The following ABR variants were observed in gnomAD, a reference collection of about 807,000 sequenced individuals.
ABR encodes ABR activator of RhoGEF and GTPase.
ABR carries 35 observed loss-of-function variants against 107.2 expected under a neutral mutation model. The ratio of observed to expected loss-of-function variants is 0.33; its 90% CI spans 0.25 to 0.43. ABR has a LOEUF of 0.43. ABR is among the 20% of genes least tolerant of loss of function. The pLI, the probability that ABR is intolerant of heterozygous loss-of-function variation, is 1.00. For synonymous variants in ABR, 498 were observed against 462.0 expected, an observed-to-expected ratio of 1.08 and a Z score of -1.00; for missense variants, 815 against 1,115.2, an observed-to-expected ratio of 0.73 and a Z score of 3.83.
At chr17:1,219,933 C>G (rs72816230) in intron 1 of ABR, among the ~76,000 whole-genome samples, 24,337 of 151,534 alleles carry the variant, frequency 0.16, 2,500 homozygotes, top group Non-Finnish European at 0.22. Flanking sequence ...TGACCTAGTG[C>G]TTTGCAGAGA....
chr17:1,155,016 G>A (rs1303437644), intron 1 of ABR: 1 of 152,022 alleles, frequency 6.6e-6, no homozygotes, highest in African/African-American at 2.4e-5. Flanking sequence ...GGGCGCCCTG[G>A]GGGCCAGCCA....
chr17:1,056,269 G>C (rs1482713428), intron 13 of ABR, among the ~76,000 whole-genome samples, 160 bp from the exon 14 acceptor site: 1 of 151,994 alleles, frequency 6.6e-6, no homozygotes, highest in Non-Finnish European at 1.5e-5. Context: ...AGGCCACGGC[G>C]GCCTTATATG....
At position 1,215,273 on chromosome 17, in the gene ABR, C is replaced by T. The variant is rs565579369; in HGVS notation, c.838+13520G>A. Among the ~76,000 whole-genome samples the T allele has an allele frequency of 4.6e-5, 7 of 151,992 alleles. No homozygotes were observed. In the South Asian group the frequency reaches 1.5e-3, roughly 32 times the overall value. ...CTCCCTCTCCCTCTCTCTCCACGGTCTCCCTCTGATGCCGAGCCGAAGCTG... is the reference window on the plus strand; with the variant it reads ...CTCCCTCTCCCTCTCTCTCCACGGTTTCCCTCTGATGCCGAGCCGAAGCTG... On this transcript the variant is annotated intron_variant, in intron 1 of 22. Coordinates refer to the ABR transcript ENST00000574139.
intron 2 of ABR, among the ~76,000 whole-genome samples, chr17:1,123,708 G>C (rs1282392970): frequency 6.6e-6 from 1 of 152,190 alleles, no homozygotes; most frequent in Non-Finnish European, 1.5e-5. Flanking sequence ...GGGGCTCTGA[G>C]CCCTGCTGTG....
At chr17:1,160,637 G>A (rs2041250876) in intron 1 of ABR, among the ~76,000 whole-genome samples, 1 of 152,338 alleles carries the variant, frequency 6.6e-6, no homozygotes, top group East Asian at 1.9e-4. Context: ...GCCCTGTGGA[G>A]CTGAGTTCAC....
chr17:1,193,842 C>A (rs1286803376), intron 1 of ABR, among the ~76,000 whole-genome samples: 1 of 152,160 alleles, frequency 6.6e-6, no homozygotes, highest in Non-Finnish European at 1.5e-5. Context: ...AGGCACCCGC[C>A]ACCACGCCCA....
At chr17:1,085,094 G>A (rs1047150931) in intron 4 of ABR, among the ~76,000 whole-genome samples, 3 of 148,784 alleles carry the variant, frequency 2.0e-5, no homozygotes, top group Non-Finnish European at 3.0e-5. Flanking sequence ...GAGCCACTGC[G>A]CCCGGCCAAT....
At chr17:1,189,751 G>A (rs541721580), upstream of ABR, among the ~76,000 whole-genome samples, 6 of 152,178 alleles carry the variant, frequency 3.9e-5, no homozygotes, top group African/African-American at 1.2e-4. Flanking sequence ...GAAGGCCTGC[G>A]TCGTTCCCTG....
At chr17:1,142,241 C>T (rs2040314701) in intron 1 of ABR, among the ~76,000 whole-genome samples, 1 of 152,038 alleles carries the variant, frequency 6.6e-6, no homozygotes, top group African/African-American at 2.4e-5. Context: ...GGCCAAGAGC[C>T]GCCAGGTTCA....
chr17:1,017,175 C>T (rs1351502662), intron 16 of ABR, among the ~76,000 whole-genome samples: 3 of 152,132 alleles, frequency 2.0e-5, no homozygotes, highest in Admixed American at 2.0e-4. Flanking sequence ...AGGCCATCAC[C>T]AGCCCGGCTG....
At position 1,111,860 on chromosome 17, in the gene ABR, C is replaced by T. The variant is rs576473133; in HGVS notation, c.247-11125G>A. ...TGGGCTCTAGGTCTAGCACCTGCCC[C>T]GGCCACTGGGTCTCCTCACTTGGAA... On this transcript the variant is annotated intron_variant, in intron 2 of 22. Coordinates refer to ENST00000302538, the MANE Select transcript of ABR (RefSeq NM_021962.5). Among the ~76,000 whole-genome samples, 8 of 152,330 alleles carry T rather than the reference C, an allele frequency of 5.3e-5. No homozygotes were observed. In the South Asian group the frequency reaches 6.2e-4, roughly 12 times the overall value.
intron 1 of ABR, among the ~76,000 whole-genome samples, chr17:1,140,313 T>C (rs1323171425): frequency 6.6e-6 from 1 of 152,100 alleles, no homozygotes; most frequent in African/African-American, 2.4e-5. Flanking sequence ...GGTGGAGACA[T>C]GTCTGGACTG....
chr17:1,056,897 G>T, intron 13 of ABR, 101 bp downstream of exon 13: 2 of 766,272 alleles, frequency 2.6e-6, no homozygotes, highest in Non-Finnish European at 2.3e-6. Flanking sequence ...GCAGGGATCA[G>T]CCATTTACAG....
Position 1,005,261 on chromosome 17 carries a change from G to A in ABR, c.*819C>T, listed in dbSNP as rs1597318982. 2.5e-6 allele frequency: 1 copy of A among 398,260 alleles called. No individual in the cohort carries two copies. Among genetic ancestry groups the A allele is most frequent in the Admixed American group, 4.4e-5 (1 of 22,714 alleles). 24.7% of individuals were successfully genotyped at this position (398,260 alleles called of 1,614,324 possible). A position where few individuals can be genotyped will look rare whatever the true frequency, so the allele number is the denominator to read the frequency against. On this transcript the variant is annotated 3_prime_UTR_variant, in exon 23 of 23. Transcript: ENST00000302538. ...GGAAGGGAACTGAAAAGCAGTAGAA[G>A]AAACAGTCAGAGATGCCTCACTGAT...
At chr17:1,166,935 A>G (rs1405190997) in intron 1 of ABR, among the ~76,000 whole-genome samples, 2 of 152,164 alleles carry the variant, frequency 1.3e-5, no homozygotes, top group African/African-American at 2.4e-5. Context: ...TGGGAGGCAG[A>G]GGCTGCAGTG....
intron 2 of ABR, 89 bp from the exon 3 acceptor site, chr17:1,100,824 G>A (rs1024360198): frequency 5.5e-6 from 7 of 1,263,206 alleles, no homozygotes; most frequent in Admixed American, 3.7e-5. Context: ...CTTCCCCCCC[G>A]ACCTTTATTT....
intron 1 of ABR, among the ~76,000 whole-genome samples, chr17:1,224,133 C>T (rs952690249): frequency 1.3e-5 from 2 of 152,036 alleles, no homozygotes; most frequent in African/African-American, 4.8e-5. Flanking sequence ...GGTGGTCTCA[C>T]ACCTGGGGAG....
chr17:1,205,994 T>C (rs1479886376), intron 1 of ABR, among the ~76,000 whole-genome samples: 1 of 148,902 alleles, frequency 6.7e-6, no homozygotes, highest in Non-Finnish European at 1.5e-5. Context: ...CGCGCACCTG[T>C]AGTCCCAGCT....
At chr17:1,105,553 G>A (rs1360670913) in intron 2 of ABR, among the ~76,000 whole-genome samples, 1 of 152,066 alleles carries the variant, frequency 6.6e-6, no homozygotes, top group Non-Finnish European at 1.5e-5. Flanking sequence ...CAGAAATAGA[G>A]ATGTTTCAGA....
Sources: gnomAD v4.1 joint callset for allele counts (sites outside exome capture counted in the v4.1 genomes callset) on GRCh38, gnomAD v4.1.1 for gene constraint, MANE v1.5 for transcripts, NCBI Gene and HGNC (gene_info 2026-07-23, HGNC 2026-07-21) for gene names.